The following NFATC3 variants were observed in gnomAD, a reference collection of about 807,000 sequenced individuals.
The protein encoded by NFATC3 is nuclear factor of activated T-cells, cytoplasmic 3.
A neutral mutation model predicts 98.6 loss-of-function variants in NFATC3; 46 were observed. The observed-to-expected ratio is 0.47, with a 90% CI of 0.37 to 0.60. NFATC3 has a LOEUF of 0.60. Ranked by LOEUF, NFATC3 falls within the 20% of genes least tolerant of loss-of-function variation. The pLI, the probability that NFATC3 is intolerant of heterozygous loss-of-function variation, is 0.00. For synonymous variants in NFATC3, 512 were observed against 472.2 expected (o/e 1.08, Z -1.09); for missense variants, 1,256 against 1,295.5 (o/e 0.97, Z 0.47).
At chr16:68,157,206 CTG>C (rs1407854381) in intron 3 of NFATC3, among the ~76,000 whole-genome samples, 3 of 151,744 alleles carry the variant, frequency 2.0e-5, no homozygotes, top group Non-Finnish European at 4.4e-5. Flanking sequence ...CTCTCTGTCT[CTG>C]TCTCTCTCTC....
chr16:68,118,713 T>C (rs2036419276), intron 1 of NFATC3, among the ~76,000 whole-genome samples: 1 of 152,240 alleles, frequency 6.6e-6, no homozygotes, highest in Admixed American at 6.5e-5. Flanking sequence ...TATGCACAAA[T>C]ATCTATTTGA....
At chr16:68,129,137 C>T (rs562723814) in intron 3 of NFATC3, among the ~76,000 whole-genome samples, 5 of 152,008 alleles carry the variant, frequency 3.3e-5, no homozygotes, top group South Asian at 4.2e-4. Context: ...AAGTAGCATG[C>T]GCCTGTAGTC....
chr16:68,143,879 G>A (rs994924421), intron 3 of NFATC3, among the ~76,000 whole-genome samples: 4 of 151,988 alleles, frequency 2.6e-5, no homozygotes, highest in African/African-American at 9.7e-5. Flanking sequence ...AAAAAATAAA[G>A]CATAAAAGTA....
At chr16:68,154,729 G>A (rs948758518) in intron 3 of NFATC3, among the ~76,000 whole-genome samples, 1 of 152,214 alleles carries the variant, frequency 6.6e-6, no homozygotes, top group Non-Finnish European at 1.5e-5. Flanking sequence ...GACATTAGGA[G>A]TGAGCTTGAG....
chr16:68,214,719 A>G (rs2041564744), intron 9 of NFATC3, among the ~76,000 whole-genome samples: 1 of 152,196 alleles, frequency 6.6e-6, no homozygotes, highest in African/African-American at 2.4e-5. Context: ...TATGAATTCT[A>G]TATGGTTTGG....
chr16:68,220,353 C>T (rs2041812944), intron 9 of NFATC3, among the ~76,000 whole-genome samples: 2 of 152,162 alleles, frequency 1.3e-5, no homozygotes, highest in African/African-American at 4.8e-5. Flanking sequence ...GCAGAAACCT[C>T]GTTTCTACCA....
chr16:68,171,057 G>A (rs761754308), intron 5 of NFATC3, among the ~76,000 whole-genome samples: 7 of 152,100 alleles, frequency 4.6e-5, no homozygotes, highest in Non-Finnish European at 8.8e-5. Context: ...GCCCAGGCTG[G>A]AGTACAGTGG....
intron 9 of NFATC3, among the ~76,000 whole-genome samples, chr16:68,217,329 G>A (rs2041674818): frequency 6.6e-6 from 1 of 151,748 alleles, no homozygotes. Context: ...CTACTCGGGA[G>A]GCTGAGGCAG....
intron 3 of NFATC3, among the ~76,000 whole-genome samples, chr16:68,149,853 A>G (rs1043870535): frequency 3.3e-5 from 5 of 152,234 alleles, no homozygotes; most frequent in Admixed American, 3.3e-4. Flanking sequence ...AACAGCCACA[A>G]AGGGGAAAAG....
At chr16:68,112,207 T>C (rs1211257245) in intron 1 of NFATC3, among the ~76,000 whole-genome samples, 1 of 151,884 alleles carries the variant, frequency 6.6e-6, no homozygotes, top group Admixed American at 6.6e-5. Flanking sequence ...CCGTGAAGTA[T>C]GTTTTCCGAC....
chr16:68,102,326 T>C, intron 1 of NFATC3, among the ~76,000 whole-genome samples: 1 of 135,156 alleles, frequency 7.4e-6, no homozygotes. Flanking sequence ...GAGCCGAGAT[T>C]GCACTACTGC....
At chr16:68,100,670 T>G (rs970144354) in intron 1 of NFATC3, among the ~76,000 whole-genome samples, 8 of 152,006 alleles carry the variant, frequency 5.3e-5, no homozygotes, top group African/African-American at 1.9e-4. Context: ...CTCTGCATCT[T>G]GGGCAGCATT....
At chr16:68,109,939 T>C (rs1443856032) in intron 1 of NFATC3, among the ~76,000 whole-genome samples, 1 of 152,216 alleles carries the variant, frequency 6.6e-6, no homozygotes, top group Non-Finnish European at 1.5e-5. Flanking sequence ...TCATTTTTTA[T>C]TGTGTTGATT....
chr16:68,220,524 CTCTTA>C (rs1464198262), intron 9 of NFATC3, among the ~76,000 whole-genome samples: 1 of 151,136 alleles, frequency 6.6e-6, no homozygotes, highest in East Asian at 1.9e-4. Context: ...ATTCCTTATA[CTCTTA>C]TCTTAAATTG....
chr16:68,100,053 T>C (rs1049387543), intron 1 of NFATC3, among the ~76,000 whole-genome samples: 4 of 152,184 alleles, frequency 2.6e-5, no homozygotes, highest in African/African-American at 4.8e-5. Flanking sequence ...ATTAATAGTT[T>C]GTTCTGTTTT....
chr16:68,174,379 C>A lies in NFATC3; in HGVS notation c.1780C>A (p.Arg594=), dbSNP rs760644438. 2.7e-6 allele frequency: 4 copies of A among 1,467,012 alleles called. No individual in the cohort carries two copies. Among genetic ancestry groups the A allele is most frequent in the Non-Finnish European group, 2.7e-6 (3 of 1,107,826 alleles). The allele number at this position is 1,467,012 out of a possible 1,614,324, so 90.9% of individuals were successfully genotyped here. The change falls in exon 6 of 10, where the codon CGG becomes AGG. Residue 594 remains arginine, a synonymous_variant. Coordinates refer to ENST00000346183, the MANE Select transcript of NFATC3 (RefSeq NM_173165.3). ...TTTAAAAAAATTTAAAACAGCCCAG[C>A]GGTCTGCTCAAGAACTTCCTCATAT... ...IASIPVECSQ[R]SAQELPHIEK...
At chr16:68,184,099 T>C (rs2040066973) in intron 8 of NFATC3, among the ~76,000 whole-genome samples, 1 of 152,132 alleles carries the variant, frequency 6.6e-6, no homozygotes, top group African/African-American at 2.4e-5. Context: ...TTTCTTTTCT[T>C]TATAAAGTGT....
rs561700662 is a variant in NFATC3 at position 68,197,034 on chromosome 16, A to AAAATAAAT, written c.3106+5279_3106+5286dup. ...AACAAGAGTGAAAGTCCATCTCAAG[A>AAAATAAAT]AAATAAATAAATAAATAAATAAATA... is the stretch of plus-strand genomic sequence containing the variant. On this transcript the variant is annotated intron_variant, in intron 9 of 9. Transcript: ENST00000346183. 4.4e-3 allele frequency among the ~76,000 whole-genome samples: 675 copies of AAAATAAAT among 152,052 alleles called. 6 individuals carry two copies. Among genetic ancestry groups the AAAATAAAT allele is most frequent in the African/African-American group, 0.016 (658 of 41,454 alleles).
At chr16:68,221,279 C>A (rs773375820) in intron 9 of NFATC3, 7 of 1,614,022 alleles carry the variant, frequency 4.3e-6, no homozygotes, top group Non-Finnish European at 5.1e-6. Flanking sequence ...TCTGAGGAAT[C>A]TAGAGGTGAG....
Sources: allele counts gnomAD v4.1 joint callset (sites outside exome capture counted in the v4.1 genomes callset), GRCh38; gene constraint gnomAD v4.1.1; transcripts MANE v1.5; gene names NCBI Gene and HGNC (gene_info 2026-07-23, HGNC 2026-07-21).